Variants in SLC23A2 observed in about 807,000 individuals in gnomAD.
The protein encoded by SLC23A2 is Na(+)/L-ascorbic acid transporter 2.
SLC23A2 carries 36 observed loss-of-function variants against 73.3 expected under a neutral mutation model. The observed-to-expected ratio is 0.49, with a 90% CI of 0.38 to 0.65. SLC23A2 has a LOEUF of 0.65. SLC23A2 is among the 30% of genes least tolerant of loss of function. The probability of loss-of-function intolerance (pLI) is 0.00; values close to 1 mark genes in which losing one functional copy is unlikely to be tolerated. For synonymous variants in SLC23A2, 343 were observed against 327.3 expected, an observed-to-expected ratio of 1.05 and a Z score of -0.52; for missense variants, 507 against 841.6, an observed-to-expected ratio of 0.60 and a Z score of 4.92.
intron 1 of SLC23A2, among the ~76,000 whole-genome samples, chr20:4,994,787 T>C (rs2087990694): frequency 6.7e-6 from 1 of 148,950 alleles, no homozygotes; most frequent in African/African-American, 2.5e-5. Flanking sequence ...ATACAAAAAT[T>C]AGCCAGGCGC....
chr20:4,985,776 T>C (rs1358830585), intron 1 of SLC23A2, among the ~76,000 whole-genome samples: 1 of 152,138 alleles, frequency 6.6e-6, no homozygotes, highest in African/African-American at 2.4e-5. Context: ...ATACCATTTA[T>C]ATGTCCAGAA....
chr20:4,989,244 A>G (rs2087885401), intron 1 of SLC23A2, among the ~76,000 whole-genome samples: 1 of 151,854 alleles, frequency 6.6e-6, no homozygotes, highest in Non-Finnish European at 1.5e-5. Flanking sequence ...CTCAAAAAAA[A>G]AAAAAAGAAA....
At position 4,965,296 on chromosome 20, in the gene SLC23A2, G is replaced by C. The variant is rs147568166; in HGVS notation, c.-155+5497C>G. 2.3e-3 allele frequency among the ~76,000 whole-genome samples: 346 copies of C among 152,076 alleles called. 1 individual carries two copies. Among genetic ancestry groups the C allele is most frequent in the African/African-American group, 7.6e-3 (315 of 41,484 alleles). On this transcript the variant is annotated intron_variant, in intron 2 of 16. Transcript: ENST00000338244. ...CAAAAGGTAAGCGCTCTTCATACTC[G>C]GTAAACCTACTGTGTTCAGGGGTTC...
chr20:4,887,902 G>T (rs1270518737), intron 6 of SLC23A2, among the ~76,000 whole-genome samples: 1 of 152,182 alleles, frequency 6.6e-6, no homozygotes, highest in Non-Finnish European at 1.5e-5. Context: ...CGTTAAACGA[G>T]AGCTTCCCTA....
intron 1 of SLC23A2, among the ~76,000 whole-genome samples, chr20:4,972,351 C>CTTT (rs766605621): frequency 2.8e-4 from 38 of 138,032 alleles, no homozygotes; most frequent in Non-Finnish European, 5.4e-4. Context: ...ATTAATGAGT[C>CTTT]TTTTTTTTTT....
intron 2 of SLC23A2, among the ~76,000 whole-genome samples, chr20:4,964,034 TCTCA>T (rs973030118): frequency 2.1e-4 from 31 of 149,844 alleles, no homozygotes; most frequent in African/African-American, 7.6e-4. Flanking sequence ...TGAGATAGGG[TCTCA>T]CTCTGTCGCC....
At chr20:4,996,523 T>G (rs1272717297) in intron 1 of SLC23A2, among the ~76,000 whole-genome samples, 1 of 151,598 alleles carries the variant, frequency 6.6e-6, no homozygotes, top group Non-Finnish European at 1.5e-5. Context: ...CCATCTCTAC[T>G]AAAAATACAA....
intron 6 of SLC23A2, among the ~76,000 whole-genome samples, chr20:4,890,954 G>A (rs1389886434): frequency 6.6e-6 from 1 of 152,176 alleles, no homozygotes; most frequent in African/African-American, 2.4e-5. Context: ...TGGGGACTTA[G>A]GAGGATGGGG....
At chr20:5,004,728 G>A (rs954260221), upstream of SLC23A2, among the ~76,000 whole-genome samples, 19 of 152,080 alleles carry the variant, frequency 1.2e-4, no homozygotes, top group East Asian at 3.8e-4. Context: ...GGCCGGGTGC[G>A]GTGGCTCACG....
rs954984960 is a variant in SLC23A2 at position 4,962,147 on chromosome 20, A to T, written c.-155+8646T>A. Among the ~76,000 whole-genome samples the T allele has an allele frequency of 4.0e-4, 22 of 55,332 alleles. 1 individual carries two copies. Among genetic ancestry groups the T allele is most frequent in the Non-Finnish European group, 7.2e-4 (16 of 22,088 alleles). The allele number at this position is 55,332 out of a possible 152,430, so 36.3% of individuals were successfully genotyped here. A position where few individuals can be genotyped will look rare whatever the true frequency, so the allele number is the denominator to read the frequency against. On this transcript the variant is annotated intron_variant, in intron 2 of 16. Coordinates refer to ENST00000338244, the MANE Select transcript of SLC23A2 (RefSeq NM_005116.6). ...ACGATGAGAAAAATGATATTATTTTAAAAAAAAAAATCAAAGTCCAGCTGA... is the reference window on the plus strand; with the variant it reads ...ACGATGAGAAAAATGATATTATTTTTAAAAAAAAAATCAAAGTCCAGCTGA...
chr20:4,916,012 A>T (rs558733659), intron 3 of SLC23A2, among the ~76,000 whole-genome samples: 1 of 152,350 alleles, frequency 6.6e-6, no homozygotes, highest in South Asian at 2.1e-4. Flanking sequence ...TAATTAGTAC[A>T]TACTCCTACA....
intron 12 of SLC23A2, chr20:4,869,690 G>A (rs769320126): frequency 1.0e-5 from 5 of 488,688 alleles, no homozygotes; most frequent in East Asian, 3.2e-5. Context: ...TCCGTTCCAC[G>A]TCATGGACGA....
Position 4,883,621 on chromosome 20 carries a change from A to C in SLC23A2, c.824+21T>G. On this transcript the variant is annotated intron_variant, in intron 9 of 16. Transcript: ENST00000338244. The surrounding 1 kb of genome is among the most constrained non-coding windows in gnomAD (Gnocchi z 4.5). ...AAGGCTGCCCCGCAGTGGTGGGATG[A>C]GGGGAGATGTTTCCACTTACAGCAT... 6.4e-7 allele frequency: 1 copy of C among 1,569,612 alleles called. No individual in the cohort carries two copies.
In SLC23A2 at chr20:4,912,994, A is replaced by G. The variant is rs1932211176; in HGVS notation, c.109-16T>C. 2 of 1,557,260 alleles carry G rather than the reference A, an allele frequency of 1.3e-6. No individual in the cohort carries two copies. Among genetic ancestry groups the G allele is most frequent in the Non-Finnish European group, 1.8e-6 (2 of 1,129,826 alleles). ...TTATCACCACCTGCAGAGACAATCC[A>G]CTTAGAGGCTGTTTCAGCGTGAACC... On this transcript the variant is annotated splice_polypyrimidine_tract_variant and intron_variant, in intron 3 of 16. Transcript: ENST00000338244.
chr20:4,942,533 T>A (rs1228279032), intron 2 of SLC23A2, among the ~76,000 whole-genome samples: 1 of 152,216 alleles, frequency 6.6e-6, no homozygotes, highest in East Asian at 1.9e-4. Flanking sequence ...ACTGAATCAC[T>A]AGCTCTCCAC....
intron 2 of SLC23A2, among the ~76,000 whole-genome samples, chr20:4,968,518 C>G (rs1033082930): frequency 1.6e-4 from 24 of 152,152 alleles, no homozygotes; most frequent in African/African-American, 5.6e-4. Flanking sequence ...CAAGAAGCTA[C>G]TGTGTTAATC....
chr20:4,933,451 T>TA lies in SLC23A2; in HGVS notation c.-154-736dup, dbSNP rs113618856. Among the ~76,000 whole-genome samples, 990 of 145,928 alleles carry TA rather than the reference T, an allele frequency of 6.8e-3. 4 individuals are homozygous for TA. The highest frequency in any genetic ancestry group is 9.1e-3 in the Non-Finnish European group (602 of 66,122). On this transcript the variant is annotated intron_variant, in intron 2 of 16. Transcript: ENST00000338244. ...CAACATAGTGAAACCCCGTCTCTAC[T>TA]AAAAAAAAAAATAATAATAATACAA...
intron 6 of SLC23A2, among the ~76,000 whole-genome samples, chr20:4,890,458 G>C (rs1188531060): frequency 6.6e-6 from 1 of 152,064 alleles, no homozygotes; most frequent in Non-Finnish European, 1.5e-5. Context: ...TTCGAGACCA[G>C]CCTGGCCAAC....
chr20:4,907,008 G>A (rs1476815011), intron 4 of SLC23A2, among the ~76,000 whole-genome samples: 1 of 152,142 alleles, frequency 6.6e-6, no homozygotes, highest in African/African-American at 2.4e-5. Flanking sequence ...ATGGGGAGAG[G>A]ACAGGTCTTA....
Sources: allele counts gnomAD v4.1 joint callset (sites outside exome capture counted in the v4.1 genomes callset), GRCh38; gene constraint gnomAD v4.1.1; non-coding constraint Gnocchi (gnomAD v3.1); transcripts MANE v1.5; gene names NCBI Gene and HGNC (gene_info 2026-07-23, HGNC 2026-07-21).